PPP1R12C: variants seen among roughly 807,000 people sequenced by gnomAD.
PPP1R12C encodes leukocyte receptor cluster (LRC) encoded novel gene 3.
In PPP1R12C, 48 loss-of-function variants were observed where a neutral mutation model predicts 95.6. The observed-to-expected ratio is 0.50, with a 90% CI of 0.40 to 0.64. PPP1R12C has a LOEUF of 0.64. Ranked by LOEUF, PPP1R12C falls within the 30% of genes least tolerant of loss-of-function variation. The pLI, the probability that PPP1R12C is intolerant of heterozygous loss-of-function variation, is 0.00. For missense variants in PPP1R12C, 1,057 were observed against 1,083.3 expected, an observed-to-expected ratio of 0.98 and a Z score of 0.34; for synonymous variants, 480 against 460.8, an observed-to-expected ratio of 1.04 and a Z score of -0.53.
At chr19:55,092,710 C>A (rs375179704) in intron 16 of PPP1R12C, 48 bp from the exon 17 acceptor site, 1 of 1,526,526 alleles carries the variant, frequency 6.6e-7, no homozygotes, top group East Asian at 2.4e-5. Context: ...GGGACTTTAG[C>A]GGGTATGGGA....
chr19:55,116,234 T>A (rs897809041), intron 1 of PPP1R12C, among the ~76,000 whole-genome samples: 1 of 151,768 alleles, frequency 6.6e-6, no homozygotes, highest in Admixed American at 6.6e-5. Flanking sequence ...AAACGAGAGA[T>A]GGCACAGGCC....
intron 1 of PPP1R12C, chr19:55,114,449 G>A (rs1015755877): frequency 2.0e-5 from 3 of 152,670 alleles, no homozygotes; most frequent in Non-Finnish European, 2.9e-5. Flanking sequence ...GGCGATGCTT[G>A]GGGACCTGCC....
chr19:55,092,540 G>A lies in PPP1R12C; in HGVS notation c.1957C>T (p.Leu653=). ...CTGCGGGCCGAGGGGCCGCCCTCCA[G>A]GGTGCTGGGGCAGGGGAGGAGCGCG... is the stretch of plus-strand genomic sequence containing the variant. ...PADRSQESST[L]EGGPSARRQR... is the part of the protein sequence containing the mutation. Residue 653 remains leucine (L), a synonymous_variant, in exon 18 of 22, where the codon CTG becomes TTG. Coordinates refer to ENST00000263433, the MANE Select transcript of PPP1R12C (RefSeq NM_017607.4). 1 of 1,601,298 alleles carries A rather than the reference G, an allele frequency of 6.2e-7. No homozygotes were observed. The highest frequency in any genetic ancestry group is 8.5e-7 in the Non-Finnish European group (1 of 1,174,636).
chr19:55,105,386 T>G (rs187190906), intron 3 of PPP1R12C, among the ~76,000 whole-genome samples: 1 of 152,240 alleles, frequency 6.6e-6, no homozygotes, highest in African/African-American at 2.4e-5. Flanking sequence ...GTGTTCAACA[T>G]GTTGCTGAGA....
rs750089999 is a variant in PPP1R12C, at chr19:55,094,635, G to A, written c.1592+26C>T. Reference sequence around the variant, plus strand: ...TCTCTCCCTGCTGGGGGCGGGGGCGGCAGCTTCCTGCCCTGGCCTCTTCAC... The same window carrying A: ...TCTCTCCCTGCTGGGGGCGGGGGCGACAGCTTCCTGCCCTGGCCTCTTCAC... On this transcript the variant is annotated intron_variant, in intron 12 of 21. Coordinates refer to ENST00000263433, the MANE Select transcript of PPP1R12C (RefSeq NM_017607.4). The A allele has an allele frequency of 3.9e-6, 6 of 1,552,790 alleles. No homozygotes were observed. In the African/African-American group the frequency reaches 4.1e-5, roughly 11 times the overall value.
Position 55,095,367 on chromosome 19 carries a change from A to T in PPP1R12C, c.1387-9T>A, listed in dbSNP as rs1238211451. 3.1e-6 allele frequency: 5 copies of T among 1,587,824 alleles called. No homozygotes were observed. Among genetic ancestry groups the T allele is most frequent in the Non-Finnish European group, 4.3e-6 (5 of 1,167,366 alleles). On this transcript the variant is annotated splice_polypyrimidine_tract_variant and intron_variant, in intron 10 of 21. Transcript: ENST00000263433. ...AGACGGAGCTCCTTGGCCTGTGTGG[A>T]GAGGAGAAGGGGAGGAAGGGGCAGT... is the stretch of plus-strand genomic sequence containing the variant.
Position 55,091,553 on chromosome 19 carries a change from C to A in PPP1R12C, c.2268G>T (p.Leu756=). ...AAELEEELKA[L]SDLRADNQRL... is the part of the protein sequence containing the mutation. Reference sequence around the variant, plus strand: ...GCTGGTTGTCAGCGCGGAGGTCAGACAGGGCCTGGGGGACGGCAAGGGTCA... The same window carrying A: ...GCTGGTTGTCAGCGCGGAGGTCAGAAAGGGCCTGGGGGACGGCAAGGGTCA... Residue 756 remains leucine (L), a synonymous_variant, in exon 22 of 22, where the codon CTG becomes CTT. Coordinates refer to ENST00000263433, the MANE Select transcript of PPP1R12C (RefSeq NM_017607.4). 6.2e-7 allele frequency: 1 copy of A among 1,613,698 alleles called. No homozygotes were observed. The highest frequency in any genetic ancestry group is 1.1e-5 in the South Asian group (1 of 91,080).
chr19:55,116,251 G>A (rs1471762041), intron 1 of PPP1R12C, among the ~76,000 whole-genome samples: 1 of 151,574 alleles, frequency 6.6e-6, no homozygotes, highest in Non-Finnish European at 1.5e-5. Context: ...GGCCCCAGAA[G>A]GAGAAGGAAA....
At chr19:55,101,411 C>G (rs1428776426) in intron 4 of PPP1R12C, among the ~76,000 whole-genome samples, 17 of 152,214 alleles carry the variant, frequency 1.1e-4, no homozygotes. Flanking sequence ...AGTACCCACA[C>G]AGGCCCCCTG....
chr19:55,109,650 C>T lies in PPP1R12C; in HGVS notation c.571+2817G>A, dbSNP rs1179873531. ...GTCGTGCCTGAGGCCGGTCTGTCTT[C>T]TCTCCCAGCCCTGCCTGTGAGTGGC... On this transcript the variant is annotated intron_variant, in intron 3 of 21. Transcript: ENST00000263433. The surrounding 1 kb of genome is among the most constrained non-coding windows in gnomAD (Gnocchi z 4.4). Among the ~76,000 whole-genome samples, 1 of 152,270 alleles carries T rather than the reference C, an allele frequency of 6.6e-6. No homozygotes were observed. Among genetic ancestry groups the T allele is most frequent in the East Asian group, 1.9e-4 (1 of 5,198 alleles).
rs952668069 is a variant in PPP1R12C, at chr19:55,109,255, C to G, written c.571+3212G>C. Among the ~76,000 whole-genome samples the G allele has an allele frequency of 6.6e-6, 1 of 152,194 alleles. No homozygotes were observed. The highest frequency in any genetic ancestry group is 1.5e-5 in the Non-Finnish European group (1 of 68,042). ...AGCTGGGAGCGTACGTGCATTCCCA[C>G]GCCTGGCTAATGTGTTTTGTTTTAT... On this transcript the variant is annotated intron_variant, in intron 3 of 21. Coordinates refer to ENST00000263433, the MANE Select transcript of PPP1R12C (RefSeq NM_017607.4). The surrounding 1 kb of genome is among the most constrained non-coding windows in gnomAD (Gnocchi z 4.4).
rs776880358 is a variant in PPP1R12C at position 55,095,593 on chromosome 19, T to A, written c.1238A>T (p.Glu413Val). The A allele has an allele frequency of 6.4e-7, 1 of 1,563,984 alleles. No individual in the cohort carries two copies. The highest frequency in any genetic ancestry group is 8.6e-7 in the Non-Finnish European group (1 of 1,159,492). The change falls in exon 10 of 22, where the codon GAG becomes GTG. Residue 413 changes from glutamate (E) to valine (V), a missense_variant. By Grantham distance (121) the Glu-to-Val change is moderately radical (BLOSUM62 -2). This residue lies in a region of PPP1R12C where 356 missense variants were observed against 330.5 expected (regional missense o/e 1.08). Transcript: ENST00000263433. ...PSPKSPVQLE[E>V]APFSRRFGLL... The stretch of plus-strand genomic sequence containing the variant: ...GCCAAAGCGCCTGGAGAAGGGGGCC[T>A]CTTCAAGCTGCTGGGAGAAGGAGGA...
chr19:55,100,401 G>T (rs2084967866), intron 4 of PPP1R12C, among the ~76,000 whole-genome samples: 1 of 152,246 alleles, frequency 6.6e-6, no homozygotes, highest in Non-Finnish European at 1.5e-5. Context: ...TGATGCATGG[G>T]ACGGCCCCGC....
In PPP1R12C at chr19:55,103,839, G is replaced by A. The variant is rs566409232; in HGVS notation, c.572-271C>T. ...TCCCCATTTCAACCAGAAATTCACCGTATTTTTATTATTTTTAATATAAAA... is the reference window on the plus strand; with the variant it reads ...TCCCCATTTCAACCAGAAATTCACCATATTTTTATTATTTTTAATATAAAA... On this transcript the variant is annotated intron_variant, in intron 3 of 21. Coordinates refer to ENST00000263433, the MANE Select transcript of PPP1R12C (RefSeq NM_017607.4). Among the ~76,000 whole-genome samples the A allele has an allele frequency of 1.2e-3, 175 of 151,852 alleles. 1 individual carries two copies. The highest frequency in any genetic ancestry group is 2.1e-3 in the Non-Finnish European group (140 of 67,978).
chr19:55,107,956 T>G (rs2147204727), intron 3 of PPP1R12C, among the ~76,000 whole-genome samples: 1 of 144,876 alleles, frequency 6.9e-6, no homozygotes, highest in South Asian at 2.2e-4. Context: ...TTTTTTGAGA[T>G]GCTGAGTCTT....
chr19:55,098,643 G>A (rs1421720323), intron 6 of PPP1R12C, 141 bp downstream of exon 6: 1 of 1,036,826 alleles, frequency 9.6e-7, no homozygotes, highest in African/African-American at 1.6e-5. Context: ...CTGGGGCTGG[G>A]GCTGGGTCAC....
At chr19:55,095,784 C>A in intron 9 of PPP1R12C, 83 bp downstream of exon 9, 2 of 1,552,386 alleles carry the variant, frequency 1.3e-6, no homozygotes, top group Non-Finnish European at 1.8e-6. Flanking sequence ...CCCTATCTGC[C>A]CCTGCCAGAG....
intron 6 of PPP1R12C, among the ~76,000 whole-genome samples, chr19:55,097,660 A>C: frequency 2.9e-5 from 4 of 138,384 alleles, no homozygotes; most frequent in Non-Finnish European, 4.7e-5. Flanking sequence ...GCAGTTCACC[A>C]CCGTCTTCGC....
chr19:55,117,220 G>T lies in PPP1R12C; in HGVS notation c.321+3C>A. ...CGGGAGACGCCGGGCGGGGGGCGCT[G>T]ACCTGGTGCAGGGCGCTGATACCGT... is the stretch of plus-strand genomic sequence containing the variant. On this transcript the variant is annotated splice_donor_region_variant and intron_variant, in intron 1 of 21. Coordinates refer to ENST00000263433, the MANE Select transcript of PPP1R12C (RefSeq NM_017607.4). 8.2e-7 allele frequency: 1 copy of T among 1,224,658 alleles called. No individual in the cohort carries two copies. Among genetic ancestry groups the T allele is most frequent in the South Asian group, 4.0e-5 (1 of 24,732 alleles). The allele number at this position is 1,224,658 out of a possible 1,614,324, so 75.9% of individuals were successfully genotyped here.
Sources: gnomAD v4.1 joint callset for allele counts (sites outside exome capture counted in the v4.1 genomes callset) on GRCh38, gnomAD v4.1.1 for gene constraint, gnomAD v4.1.1 regional missense constraint, Gnocchi (gnomAD v3.1) non-coding constraint, MANE v1.5 for transcripts, NCBI Gene and HGNC (gene_info 2026-07-23, HGNC 2026-07-21) for gene names.